HS3ST3B1: variants seen among roughly 807,000 people sequenced by gnomAD.
HS3ST3B1 encodes heparan sulfate glucosamine 3-O-sulfotransferase 3B1.
A neutral mutation model predicts 21.3 loss-of-function variants in HS3ST3B1; 13 were observed. The ratio of observed to expected loss-of-function variants is 0.61; its 90% CI spans 0.40 to 0.97. The LOEUF (loss-of-function observed/expected upper bound fraction) is 0.97, where lower values mean the gene tolerates loss of function less well. HS3ST3B1 is among the 50% of genes least tolerant of loss of function. The probability of loss-of-function intolerance (pLI) is 0.00; values close to 1 mark genes in which losing one functional copy is unlikely to be tolerated. For synonymous variants in HS3ST3B1, 234 were observed against 254.8 expected (o/e 0.92, Z 0.78); for missense variants, 459 against 554.8 (o/e 0.83, Z 1.73).
chr17:14,312,177 C>G (rs940263930), intron 1 of HS3ST3B1, among the ~76,000 whole-genome samples: 1 of 152,108 alleles, frequency 6.6e-6, no homozygotes, highest in South Asian at 2.1e-4. Flanking sequence ...CTTACTTAAT[C>G]TTAACAGCGA....
chr17:14,331,569 G>A (rs531993792), intron 1 of HS3ST3B1, among the ~76,000 whole-genome samples: 64 of 152,176 alleles, frequency 4.2e-4, no homozygotes, highest in African/African-American at 1.5e-3. Context: ...AGGAGGGCTC[G>A]GGAGTCCATC....
intron 1 of HS3ST3B1, among the ~76,000 whole-genome samples, chr17:14,334,273 T>TC (rs1213536109): frequency 2.0e-5 from 3 of 152,006 alleles, no homozygotes; most frequent in Admixed American, 2.0e-4. Flanking sequence ...TCATGGTTTT[T>TC]TTTTTTTTAA....
At position 14,345,230 on chromosome 17, in the gene HS3ST3B1, A is replaced by T. The variant is rs1478118382; in HGVS notation, c.757A>T (p.Ser253Cys). 2 of 1,391,146 alleles carry T rather than the reference A, an allele frequency of 1.4e-6. No homozygotes were observed. Among genetic ancestry groups the T allele is most frequent in the South Asian group, 1.3e-5 (1 of 79,270 alleles). 86.2% of individuals were successfully genotyped at this position (1,391,146 alleles called of 1,614,324 possible). The change falls in exon 2 of 2, where the codon AGC becomes TGC. Residue 253 changes from serine to cysteine, a missense_variant. Coordinates refer to ENST00000360954, the MANE Select transcript of HS3ST3B1 (RefSeq NM_006041.3). The stretch of plus-strand genomic sequence containing the variant: ...GCGGCCCGACATCCCCACCTTCGAG[A>T]GCTTGACGTTCAAAAACAGGACAGC... ...SKRPDIPTFE[S>C]LTFKNRTAGL...
rs773122320 is a variant in HS3ST3B1, at chr17:14,301,601, C to G, written c.83C>G (p.Pro28Arg). 6.2e-6 allele frequency: 10 copies of G among 1,604,260 alleles called. No individual in the cohort carries two copies. Among genetic ancestry groups the G allele is most frequent in the Non-Finnish European group, 7.6e-6 (9 of 1,178,558 alleles). The change falls in exon 1 of 2, where the codon CCG becomes CGG. Residue 28 changes from proline to arginine, a missense_variant. By Grantham distance (103) the Pro-to-Arg change is moderately radical. Around this residue, in one of 3 missense-constraint regions of HS3ST3B1, gnomAD observed 317 missense variants for 278.6 expected, o/e 1.14. Coordinates refer to ENST00000360954, the MANE Select transcript of HS3ST3B1 (RefSeq NM_006041.3). ...CCGCAGCCGCCGCCGCCCCCGCCGCCGGTGAGGAGGAAGCTCGCGCTGCTC... is the reference window on the plus strand; with the variant it reads ...CCGCAGCCGCCGCCGCCCCCGCCGCGGGTGAGGAGGAAGCTCGCGCTGCTC... Reference protein sequence around the residue: ...LLPQPPPPPPPVRRKLALLFA... With the variant: ...LLPQPPPPPPRVRRKLALLFA...
chr17:14,315,837 T>C (rs1241614378), intron 1 of HS3ST3B1, among the ~76,000 whole-genome samples: 5 of 150,092 alleles, frequency 3.3e-5, no homozygotes, highest in Non-Finnish European at 5.9e-5. Flanking sequence ...AAAAAAAAAT[T>C]AATAGGTAGA....
chr17:14,317,049 T>G (rs1375635712), intron 1 of HS3ST3B1, among the ~76,000 whole-genome samples: 2 of 152,206 alleles, frequency 1.3e-5, no homozygotes, highest in Admixed American at 6.5e-5. Context: ...GGAGGAGGCG[T>G]TTGGCAAGGA....
intron 1 of HS3ST3B1, among the ~76,000 whole-genome samples, chr17:14,313,136 A>G (rs139549850): frequency 0.011 from 1,265 of 112,766 alleles, 44 homozygotes; most frequent in East Asian, 0.11. Flanking sequence ...GTGTGTGTGT[A>G]TATATATATT....
intron 1 of HS3ST3B1, among the ~76,000 whole-genome samples, chr17:14,307,713 T>C (rs1486694100): frequency 2.6e-5 from 4 of 152,244 alleles, no homozygotes; most frequent in Admixed American, 6.5e-5. Flanking sequence ...AGTAGTTTTT[T>C]GAATACTTTA....
intron 1 of HS3ST3B1, among the ~76,000 whole-genome samples, chr17:14,332,482 C>G (rs570791228): frequency 6.6e-6 from 1 of 152,066 alleles, no homozygotes; most frequent in Non-Finnish European, 1.5e-5. Context: ...CTACCCTCCC[C>G]CATTCGCAGC....
chr17:14,324,498 G>C (rs1357622024), intron 1 of HS3ST3B1, among the ~76,000 whole-genome samples: 1 of 152,116 alleles, frequency 6.6e-6, no homozygotes, highest in Non-Finnish European at 1.5e-5. Flanking sequence ...TAATCCTCCA[G>C]CCTTAGCTTC....
intron 1 of HS3ST3B1, among the ~76,000 whole-genome samples, chr17:14,311,802 G>A (rs1354902477): frequency 6.6e-6 from 1 of 152,062 alleles, no homozygotes; most frequent in Non-Finnish European, 1.5e-5. Flanking sequence ...TGTAATCCCA[G>A]GTATGCATCA....
intron 1 of HS3ST3B1, among the ~76,000 whole-genome samples, chr17:14,337,345 T>TTTTA (rs1567643380): frequency 6.6e-6 from 1 of 151,518 alleles, no homozygotes; most frequent in African/African-American, 2.4e-5. Flanking sequence ...TTTTTTTTTT[T>TTTTA]GAGATGGAGT....
intron 1 of HS3ST3B1, among the ~76,000 whole-genome samples, chr17:14,330,979 G>A (rs1193212167): frequency 6.6e-6 from 1 of 152,128 alleles, no homozygotes; most frequent in East Asian, 1.9e-4. Context: ...TACTTCAACT[G>A]CAGCTGGATT....
At chr17:14,333,840 C>A (rs913114557) in intron 1 of HS3ST3B1, among the ~76,000 whole-genome samples, 37 of 151,940 alleles carry the variant, frequency 2.4e-4, no homozygotes, top group African/African-American at 8.7e-4. Flanking sequence ...GATCTTGGCT[C>A]ACCGCAACCT....
In HS3ST3B1 at chr17:14,344,458, T is replaced by C. The variant is rs576695370; in HGVS notation, c.555-570T>C. Among the ~76,000 whole-genome samples, 10 of 152,346 alleles carry C rather than the reference T, an allele frequency of 6.6e-5. No individual in the cohort carries two copies. The East Asian group carries it at 1.9e-3, about 29-fold the overall frequency. On this transcript the variant is annotated intron_variant, in intron 1 of 1. Coordinates refer to ENST00000360954, the MANE Select transcript of HS3ST3B1 (RefSeq NM_006041.3). ...ACTTACCTGATTTCACTGGATTTTT[T>C]GGCTGCTGTGTGCTTTGTTGCTTTG...
intron 1 of HS3ST3B1, among the ~76,000 whole-genome samples, chr17:14,336,536 A>G (rs1910190379): frequency 6.6e-6 from 1 of 152,158 alleles, no homozygotes; most frequent in South Asian, 2.1e-4. Flanking sequence ...GGGGATGTTC[A>G]GTGGTAAAGT....
At chr17:14,334,270 T>G (rs1597600059) in intron 1 of HS3ST3B1, among the ~76,000 whole-genome samples, 1 of 147,850 alleles carries the variant, frequency 6.8e-6, no homozygotes, top group African/African-American at 2.5e-5. Flanking sequence ...TTTTCATGGT[T>G]TTTTTTTTTT....
chr17:14,332,295 T>C (rs1376021770), intron 1 of HS3ST3B1, among the ~76,000 whole-genome samples: 2 of 152,192 alleles, frequency 1.3e-5, no homozygotes, highest in Non-Finnish European at 2.9e-5. Context: ...GAAAATGCTG[T>C]GATTAGGACT....
At chr17:14,339,922 A>G (rs541722676) in intron 1 of HS3ST3B1, among the ~76,000 whole-genome samples, 30 of 152,258 alleles carry the variant, frequency 2.0e-4, no homozygotes, top group Admixed American at 1.6e-3. Context: ...GAGGGCAGGA[A>G]AGTGTGCCCA....
Sources: gnomAD v4.1 joint callset for allele counts (sites outside exome capture counted in the v4.1 genomes callset) on GRCh38, gnomAD v4.1.1 for gene constraint, gnomAD v4.1.1 regional missense constraint, MANE v1.5 for transcripts, NCBI Gene and HGNC (gene_info 2026-07-23, HGNC 2026-07-21) for gene names.